Variants in CRMP1 observed in about 807,000 individuals in gnomAD.
CRMP1 encodes collapsin response mediator protein 1.
CRMP1 carries 19 observed loss-of-function variants against 68.3 expected under a neutral mutation model. The ratio of observed to expected loss-of-function variants is 0.28; its 90% CI spans 0.19 to 0.41. The LOEUF is 0.41. Among genes scored for constraint, CRMP1 ranks in the 10% least tolerant of loss-of-function variants. The pLI, the probability that CRMP1 is intolerant of heterozygous loss-of-function variation, is 1.00. For synonymous variants in CRMP1, 439 were observed against 399.6 expected (o/e 1.10, Z -1.18); for missense variants, 791 against 967.4 (o/e 0.82, Z 2.42).
rs1355895686 is a variant in CRMP1, at chr4:5,821,176, C to G, written c.*584G>C. On this transcript the variant is annotated 3_prime_UTR_variant, in exon 14 of 14. Coordinates refer to ENST00000324989, the MANE Select transcript of CRMP1 (RefSeq NM_001014809.3). This position sits in a 1 kb window ranked among gnomAD's most constrained non-coding sequence, Gnocchi z 4.4. ...GCAACCTAGTGCAAGGCTTCCCCTG[C>G]CATTCCGAGAATTCACGGATCTCAC... is the stretch of plus-strand genomic sequence containing the variant. 6.5e-6 allele frequency: 1 copy of G among 152,690 alleles called. No individual in the cohort carries two copies. Among genetic ancestry groups the G allele is most frequent in the African/African-American group, 2.4e-5 (1 of 41,452 alleles). The allele number at this position is 152,690 out of a possible 1,614,324, so 9.5% of individuals were successfully genotyped here.
intron 2 of CRMP1, among the ~76,000 whole-genome samples, chr4:5,862,606 C>G (rs1347298145): frequency 6.6e-6 from 1 of 152,210 alleles, no homozygotes; most frequent in Non-Finnish European, 1.5e-5. Context: ...TAACAGAGGA[C>G]AGGGTCGCAC....
At chr4:5,851,525 C>T in intron 4 of CRMP1, 56 bp from the exon 5 acceptor site, 1 of 1,535,540 alleles carries the variant, frequency 6.5e-7, no homozygotes, top group Non-Finnish European at 9.0e-7. Flanking sequence ...AGAAGCATGT[C>T]TTTCCAATAA....
chr4:5,878,803 A>T (rs561876469), intron 1 of CRMP1, among the ~76,000 whole-genome samples: 2 of 147,546 alleles, frequency 1.4e-5, no homozygotes, highest in Non-Finnish European at 3.0e-5. Context: ...ACAGTGCCTT[A>T]TTTTTTTTTT....
rs1367840760 is a variant in CRMP1 at position 5,892,206 on chromosome 4, C to T, written c.381+383G>A. Among the ~76,000 whole-genome samples the T allele has an allele frequency of 6.6e-6, 1 of 152,144 alleles. No homozygotes were observed. The highest frequency in any genetic ancestry group is 2.1e-4 in the South Asian group (1 of 4,832). On this transcript the variant is annotated intron_variant, in intron 1 of 13. Coordinates refer to ENST00000324989, the MANE Select transcript of CRMP1 (RefSeq NM_001014809.3). The surrounding 1 kb of genome is among the most constrained non-coding windows in gnomAD (Gnocchi z 8.6). ...ATGAATGGACCAACACGGAACGGAG[C>T]TCCAGTTCTTTTCACAAAACAGAAT...
At chr4:5,852,308 AG>A (rs1712721382) in intron 4 of CRMP1, among the ~76,000 whole-genome samples, 1 of 152,172 alleles carries the variant, frequency 6.6e-6, no homozygotes, top group African/African-American at 2.4e-5. Flanking sequence ...ATTTCTGCAA[AG>A]AGGACATTAC....
chr4:5,824,115 G>A (rs941594469), intron 13 of CRMP1, among the ~76,000 whole-genome samples: 11 of 152,160 alleles, frequency 7.2e-5, no homozygotes, highest in African/African-American at 2.7e-4. Context: ...TAAGAACAAC[G>A]GGGAGGAGGA....
Position 5,843,188 on chromosome 4 carries a change from C to G in CRMP1, c.964-27G>C. 1 of 1,612,958 alleles carries G rather than the reference C, an allele frequency of 6.2e-7. No homozygotes were observed. Among genetic ancestry groups the G allele is most frequent in the African/African-American group, 1.3e-5 (1 of 75,004 alleles). ...TACAAGACAAGAACAAGTGAGTTAA[C>G]GATTAGAGGGTGTCAGAGCTGGGAG... On this transcript the variant is annotated intron_variant, in intron 6 of 13. Coordinates refer to ENST00000324989, the MANE Select transcript of CRMP1 (RefSeq NM_001014809.3). This position sits in a 1 kb window ranked among gnomAD's most constrained non-coding sequence, Gnocchi z 4.1.
At chr4:5,837,590 T>G (rs1363297597) in intron 9 of CRMP1, among the ~76,000 whole-genome samples, 2 of 146,826 alleles carry the variant, frequency 1.4e-5, no homozygotes, top group Non-Finnish European at 3.0e-5. Context: ...ATTGCACCAT[T>G]GCACTCCAGC....
chr4:5,842,941 G>T lies in CRMP1; in HGVS notation c.1032+152C>A. 1 of 737,174 alleles carries T rather than the reference G, an allele frequency of 1.4e-6. No homozygotes were observed. The highest frequency in any genetic ancestry group is 2.3e-6 in the Non-Finnish European group (1 of 430,274). The allele number at this position is 737,174 out of a possible 1,614,324, so 45.7% of individuals were successfully genotyped here. A position where few individuals can be genotyped will look rare whatever the true frequency, so the allele number is the denominator to read the frequency against. On this transcript the variant is annotated intron_variant, in intron 7 of 13. Transcript: ENST00000324989. The surrounding 1 kb of genome is among the most constrained non-coding windows in gnomAD (Gnocchi z 4.5). ...TGTCTTCTCCAGCCAGCAGTCCCCAGGGTTCCCGGGGAAAACAAGATGGTT... is the reference window on the plus strand; with the variant it reads ...TGTCTTCTCCAGCCAGCAGTCCCCATGGTTCCCGGGGAAAACAAGATGGTT...
chr4:5,888,268 G>GCC lies in CRMP1; in HGVS notation c.381+4319_381+4320dup, dbSNP rs757233371. ...GCTCTTCTTGCCCTGGTACGACATG[G>GCC]CCCCCTCTGGCGCCCTCGGCCCGGC... On this transcript the variant is annotated intron_variant, in intron 1 of 13. Transcript: ENST00000324989. The surrounding 1 kb of genome is among the most constrained non-coding windows in gnomAD (Gnocchi z 6.4). The GCC allele has an allele frequency of 1.6e-6, 2 of 1,278,182 alleles. No homozygotes were observed. The highest frequency in any genetic ancestry group is 6.1e-5 in the East Asian group (2 of 32,872). 79.2% of individuals were successfully genotyped at this position (1,278,182 alleles called of 1,614,324 possible).
chr4:5,829,913 G>A (rs945511230), intron 11 of CRMP1, among the ~76,000 whole-genome samples: 2 of 152,184 alleles, frequency 1.3e-5, no homozygotes, highest in African/African-American at 4.8e-5. Context: ...AGAGTAAATG[G>A]ATTTTCATCT....
Position 5,888,530 on chromosome 4 carries a change from G to T in CRMP1, c.381+4059C>A. The T allele has an allele frequency of 8.5e-7, 1 of 1,175,874 alleles. No individual in the cohort carries two copies. Among genetic ancestry groups the T allele is most frequent in the Non-Finnish European group, 1.1e-6 (1 of 952,180 alleles). 72.8% of individuals were successfully genotyped at this position (1,175,874 alleles called of 1,614,324 possible). ...GGGAGAGGCGAGGGCGGGAGGAGGG[G>T]GCTGCAGACAGCTCCTCCCGGCGGC... On this transcript the variant is annotated intron_variant, in intron 1 of 13. Coordinates refer to ENST00000324989, the MANE Select transcript of CRMP1 (RefSeq NM_001014809.3). The surrounding 1 kb of genome is among the most constrained non-coding windows in gnomAD (Gnocchi z 6.4).
At chr4:5,837,054 G>T in intron 9 of CRMP1, 148 bp from the exon 10 acceptor site, 1 of 887,488 alleles carries the variant, frequency 1.1e-6, no homozygotes, top group Non-Finnish European at 1.7e-6. Context: ...GCGTGTGCCT[G>T]CACGTGTCAC....
chr4:5,844,311 C>T (rs995632822), intron 6 of CRMP1, among the ~76,000 whole-genome samples: 1 of 121,604 alleles, frequency 8.2e-6, no homozygotes, highest in Non-Finnish European at 1.6e-5. Context: ...AAATTGTTTA[C>T]ATGTCAGTTA....
At chr4:5,863,832 C>CA (rs1411355498) in intron 2 of CRMP1, among the ~76,000 whole-genome samples, 1 of 152,136 alleles carries the variant, frequency 6.6e-6, no homozygotes, top group Non-Finnish European at 1.5e-5. Context: ...CCTCTGTACC[C>CA]GAGGTGGTCC....
intron 8 of CRMP1, among the ~76,000 whole-genome samples, chr4:5,840,344 A>C (rs1396127053): frequency 6.6e-6 from 1 of 152,208 alleles, no homozygotes; most frequent in Non-Finnish European, 1.5e-5. Flanking sequence ...GGCTTCTTCC[A>C]GAAAAGCCTG....
intron 10 of CRMP1, 117 bp from the exon 11 acceptor site, chr4:5,836,202 T>A: frequency 2.2e-6 from 2 of 912,506 alleles, no homozygotes; most frequent in Non-Finnish European, 3.0e-6. Context: ...AATTCTCTCC[T>A]CTCCCAGCTA....
Position 5,854,103 on chromosome 4 carries a change from A to G in CRMP1, c.820+2040T>C, listed in dbSNP as rs956189084. On this transcript the variant is annotated intron_variant, in intron 4 of 13. Transcript: ENST00000324989. This position sits in a 1 kb window ranked among gnomAD's most constrained non-coding sequence, Gnocchi z 4.0. Reference sequence around the variant, plus strand: ...ATCTCAGTGAGGGGCGTCCTAAACGACCATTTGCTTAAGGCGGCAACCTGG... The same window carrying G: ...ATCTCAGTGAGGGGCGTCCTAAACGGCCATTTGCTTAAGGCGGCAACCTGG... Among the ~76,000 whole-genome samples the G allele has an allele frequency of 6.6e-6, 1 of 152,160 alleles. No homozygotes were observed. The highest frequency in any genetic ancestry group is 2.4e-5 in the African/African-American group (1 of 41,438).
Position 5,839,619 on chromosome 4 carries a change from A to C in CRMP1, c.1213T>G (p.Trp405Gly). Residue 405 changes from tryptophan (W) to glycine (G), a missense_variant, in exon 9 of 14, where the codon TGG becomes GGG. By Grantham distance (184) the Trp-to-Gly change is radical (BLOSUM62 -2). Transcript: ENST00000324989. ...GCAGCCTTGGCCCAGTTCTTGCTCC[A>C]GTAATGGGTGCCATCGGTCCCCAGG... ...ASLGTDGTHY[W>G]SKNWAKAAAF... 1.2e-6 allele frequency: 2 copies of C among 1,613,368 alleles called. No homozygotes were observed. Among genetic ancestry groups the C allele is most frequent in the Non-Finnish European group, 8.5e-7 (1 of 1,179,666 alleles).
Sources: gnomAD v4.1 joint callset for allele counts (sites outside exome capture counted in the v4.1 genomes callset) on GRCh38, gnomAD v4.1.1 for gene constraint, Gnocchi (gnomAD v3.1) non-coding constraint, MANE v1.5 for transcripts, NCBI Gene and HGNC (gene_info 2026-07-23, HGNC 2026-07-21) for gene names.